WASF3: variants seen among roughly 807,000 people sequenced by gnomAD.
WASF3 encodes actin-binding protein WASF3.
Under a neutral mutation model 46.6 loss-of-function variants are expected in WASF3, and 11 were observed. The ratio of observed to expected loss-of-function variants is 0.24; its 90% CI spans 0.15 to 0.39. The LOEUF (loss-of-function observed/expected upper bound fraction) is 0.39, where lower values mean the gene tolerates loss of function less well. Ranked by LOEUF, WASF3 falls within the 10% of genes least tolerant of loss-of-function variation. The pLI is 1.00. For missense variants in WASF3, 576 were observed against 669.8 expected, an observed-to-expected ratio of 0.86 and a Z score of 1.55; for synonymous variants, 242 against 259.7, an observed-to-expected ratio of 0.93 and a Z score of 0.65.
upstream of WASF3, chr13:26,557,661 G>A (rs1030087250): frequency 1.5e-4 from 24 of 159,518 alleles, no homozygotes; most frequent in African/African-American, 4.8e-4. Flanking sequence ...CCCCCCCGCC[G>A]GGAGGGGGCG....
At position 26,583,147 on chromosome 13, in the gene WASF3, T is replaced by C. The variant is rs1051593093; in HGVS notation, c.-109+25328T>C. 1.4e-4 allele frequency among the ~76,000 whole-genome samples: 22 copies of C among 152,206 alleles called. 1 individual carries two copies. Among genetic ancestry groups the C allele is most frequent in the African/African-American group, 5.1e-4 (21 of 41,446 alleles). Reference sequence around the variant, plus strand: ...ATCTATCACTTTTGATAAGAGTACATGTTTGCATAATGATTTATGGGTTAA... The same window carrying C: ...ATCTATCACTTTTGATAAGAGTACACGTTTGCATAATGATTTATGGGTTAA... On this transcript the variant is annotated intron_variant, in intron 1 of 9. Coordinates refer to ENST00000335327, the MANE Select transcript of WASF3 (RefSeq NM_006646.6).
intron 4 of WASF3, among the ~76,000 whole-genome samples, chr13:26,666,640 C>G (rs1484367187): frequency 6.6e-6 from 1 of 152,156 alleles, no homozygotes; most frequent in Non-Finnish European, 1.5e-5. Flanking sequence ...TGGCTCACGC[C>G]TGTAATCCCA....
At chr13:26,552,438 A>G in the WASF3 span, among the ~76,000 whole-genome samples, 1 of 150,314 alleles carries the variant, frequency 6.7e-6, no homozygotes, top group African/African-American at 2.5e-5. Context: ...TTTCCAGCAA[A>G]TATTTTATTC....
chr13:26,619,822 C>A (rs1459501593), intron 2 of WASF3, among the ~76,000 whole-genome samples: 1 of 152,022 alleles, frequency 6.6e-6, no homozygotes, highest in Non-Finnish European at 1.5e-5. Flanking sequence ...TGGGGAGGGA[C>A]CTGCTGGGAT....
At chr13:26,628,990 C>A (rs1050634682) in intron 2 of WASF3, among the ~76,000 whole-genome samples, 3 of 152,194 alleles carry the variant, frequency 2.0e-5, no homozygotes, top group Non-Finnish European at 4.4e-5. Flanking sequence ...CTTCAGTGTG[C>A]CTTGAAAAGG....
At chr13:26,618,549 G>A (rs911177158) in intron 2 of WASF3, among the ~76,000 whole-genome samples, 1 of 146,940 alleles carries the variant, frequency 6.8e-6, no homozygotes, top group Non-Finnish European at 1.5e-5. Flanking sequence ...TTACTAAATG[G>A]CATACTGTAA....
chr13:26,601,551 G>T (rs2137202904), intron 1 of WASF3, among the ~76,000 whole-genome samples: 1 of 152,328 alleles, frequency 6.6e-6, no homozygotes, highest in South Asian at 2.1e-4. Context: ...AGGGTTGACA[G>T]ATTCAGCTGG....
chr13:26,685,971 C>A lies in WASF3; in HGVS notation c.*126C>A. ...TTGTATAAACAATGTGATATTGCTT[C>A]TGCACATCCAAAAATTCTGGGTCTT... On this transcript the variant is annotated 3_prime_UTR_variant, in exon 10 of 10. Coordinates refer to ENST00000335327, the MANE Select transcript of WASF3 (RefSeq NM_006646.6). The A allele has an allele frequency of 7.7e-7, 1 of 1,307,042 alleles. No individual in the cohort carries two copies. The highest frequency in any genetic ancestry group is 1.0e-6 in the Non-Finnish European group (1 of 979,530). The allele number at this position is 1,307,042 out of a possible 1,614,324, so 81.0% of individuals were successfully genotyped here. A position where few individuals can be genotyped will look rare whatever the true frequency, so the allele number is the denominator to read the frequency against.
At chr13:26,658,195 G>A (rs147095896) in intron 3 of WASF3, among the ~76,000 whole-genome samples, 4 of 152,210 alleles carry the variant, frequency 2.6e-5, no homozygotes, top group Admixed American at 6.5e-5. Context: ...CTGTACAGCC[G>A]AAGGGGATGG....
the WASF3 span, among the ~76,000 whole-genome samples, chr13:26,547,965 G>A: frequency 6.6e-6 from 1 of 152,172 alleles, no homozygotes; most frequent in African/African-American, 2.4e-5. Flanking sequence ...GTCAATGAAT[G>A]ACATTGCCTA....
At chr13:26,672,900 G>GT (rs1301043599) in intron 6 of WASF3, among the ~76,000 whole-genome samples, 2 of 152,202 alleles carry the variant, frequency 1.3e-5, no homozygotes, top group African/African-American at 4.8e-5. Context: ...CTGTGCTGTT[G>GT]TAAGACACCA....
At chr13:26,661,202 A>G (rs1272459019) in intron 3 of WASF3, among the ~76,000 whole-genome samples, 2 of 152,210 alleles carry the variant, frequency 1.3e-5, no homozygotes, top group Non-Finnish European at 2.9e-5. Context: ...CTGTGTACAC[A>G]TGGCTGTGCA....
intron 2 of WASF3, among the ~76,000 whole-genome samples, chr13:26,635,945 C>A (rs939207112): frequency 1.3e-5 from 2 of 152,244 alleles, no homozygotes; most frequent in African/African-American, 4.8e-5. Flanking sequence ...GAGGTGTCTC[C>A]CAGTTAGGCT....
At chr13:26,678,089 G>A (rs373194638) in intron 7 of WASF3, among the ~76,000 whole-genome samples, 23 of 150,662 alleles carry the variant, frequency 1.5e-4, no homozygotes, top group East Asian at 3.9e-4. Flanking sequence ...ATACATCTGC[G>A]TTTCTCTTAA....
intron 3 of WASF3, among the ~76,000 whole-genome samples, chr13:26,659,824 C>G (rs1485620106): frequency 6.6e-6 from 1 of 152,134 alleles, no homozygotes; most frequent in East Asian, 1.9e-4. Flanking sequence ...ATGGAGCTGG[C>G]TCTTCCAAGA....
intron 1 of WASF3, among the ~76,000 whole-genome samples, chr13:26,589,340 G>A (rs1157927362): frequency 6.6e-6 from 1 of 152,196 alleles, no homozygotes; most frequent in Non-Finnish European, 1.5e-5. Context: ...TGCCTGGAGA[G>A]CATTGAAGGA....
intron 1 of WASF3, among the ~76,000 whole-genome samples, chr13:26,558,497 G>C (rs975542412): frequency 2.1e-5 from 3 of 144,988 alleles, no homozygotes; most frequent in African/African-American, 7.4e-5. Flanking sequence ...GGCGCGCGGG[G>C]TATCATCCCC....
chr13:26,559,788 T>TTTTCTTTCTTTCTTTCTTTC (rs1555246392), intron 1 of WASF3, among the ~76,000 whole-genome samples: 6 of 80,548 alleles, frequency 7.4e-5, no homozygotes, highest in African/African-American at 9.8e-5. Flanking sequence ...TTTTCTTTTC[T>TTTTCTTTCTTTCTTTCTTTC]TTTCTTTCTT....
At chr13:26,633,200 C>CTTTTTTTCTTTTTTTT (rs1881707462) in intron 2 of WASF3, among the ~76,000 whole-genome samples, 2 of 90,420 alleles carry the variant, frequency 2.2e-5, no homozygotes, top group African/African-American at 4.1e-5. Context: ...TTAGTTATTT[C>CTTTTTTTCTTTTTTTT]TTTTTTTTTT....
Sources: allele counts gnomAD v4.1 joint callset (sites outside exome capture counted in the v4.1 genomes callset), GRCh38; gene constraint gnomAD v4.1.1; transcripts MANE v1.5; gene names NCBI Gene and HGNC (gene_info 2026-07-23, HGNC 2026-07-21).